MYOCD: variants seen among roughly 807,000 people sequenced by gnomAD.
The protein encoded by MYOCD is myocardin.
In MYOCD, 32 loss-of-function variants were observed where a neutral mutation model predicts 96.1. The ratio of observed to expected loss-of-function variants is 0.33; its 90% CI spans 0.25 to 0.45. The LOEUF (loss-of-function observed/expected upper bound fraction) is 0.45, where lower values mean the gene tolerates loss of function less well. Ranked by LOEUF, MYOCD falls within the 20% of genes least tolerant of loss-of-function variation. MYOCD has a pLI of 1.00. For synonymous variants in MYOCD, 469 were observed against 469.0 expected (o/e 1.00, Z 0.00); for missense variants, 1,133 against 1,200.6 (o/e 0.94, Z 0.83).
At chr17:12,736,497 C>T (rs375565855) in intron 6 of MYOCD, among the ~76,000 whole-genome samples, 161 bp downstream of exon 6, 11 of 152,318 alleles carry the variant, frequency 7.2e-5, no homozygotes, top group South Asian at 6.2e-4. Context: ...CTCTATTCAG[C>T]GCAGGCCTCT....
rs924906862 is a variant in MYOCD at position 12,667,956 on chromosome 17, G to A, written c.55+1713G>A. ...AGAAGCAGGCATCCTTAATCCTCCC[G>A]TCATTGATAAACAGGGAATCTGGAG... is the stretch of plus-strand genomic sequence containing the variant. On this transcript the variant is annotated intron_variant, in intron 1 of 13. Transcript: ENST00000425538. 1.1e-4 allele frequency among the ~76,000 whole-genome samples: 16 copies of A among 152,136 alleles called. No homozygotes were observed. The East Asian group carries it at 2.9e-3, about 28-fold the overall frequency.
At chr17:12,715,629 A>T (rs2031617107) in intron 3 of MYOCD, 55 bp downstream of exon 3, 1 of 1,405,234 alleles carries the variant, frequency 7.1e-7, no homozygotes, top group African/African-American at 1.4e-5. Context: ...TGAATCTCTG[A>T]ATGCTAATCC....
chr17:12,708,748 T>C (rs546171077), intron 2 of MYOCD, among the ~76,000 whole-genome samples: 2 of 152,262 alleles, frequency 1.3e-5, no homozygotes, highest in East Asian at 3.9e-4. Flanking sequence ...GTCTTGAGTT[T>C]TACATTAGGT....
intron 3 of MYOCD, among the ~76,000 whole-genome samples, chr17:12,716,280 A>G (rs543155704): frequency 3.3e-5 from 5 of 152,194 alleles, no homozygotes; most frequent in Non-Finnish European, 7.3e-5. Flanking sequence ...AGTAGCTCAC[A>G]AGTGGCTGTG....
At chr17:12,743,361 A>C (rs1275933155) in intron 7 of MYOCD, among the ~76,000 whole-genome samples, 3 of 152,172 alleles carry the variant, frequency 2.0e-5, no homozygotes, top group Admixed American at 1.3e-4. Flanking sequence ...TTTCAGCTCA[A>C]AGCAACAAAT....
At chr17:12,677,007 A>T (rs1176706165) in intron 1 of MYOCD, among the ~76,000 whole-genome samples, 1 of 152,240 alleles carries the variant, frequency 6.6e-6, no homozygotes, top group African/African-American at 2.4e-5. Context: ...GATGTACTCA[A>T]TAAATGGTAG....
At chr17:12,762,909 G>C in intron 13 of MYOCD, 164 bp from the exon 14 acceptor site, 1 of 604,488 alleles carries the variant, frequency 1.7e-6, no homozygotes, top group African/African-American at 1.9e-5. Flanking sequence ...AAACCAGAGG[G>C]AAGATGAATT....
chr17:12,745,920 G>A lies in MYOCD; in HGVS notation c.973G>A (p.Glu325Lys), dbSNP rs138967735. ...AATGCCTCTTTGTTTGTTTTTTAGG[G>A]AACCAAATGAACAGATGGTCAGAAA... is the stretch of plus-strand genomic sequence containing the variant. ...YLGMHQAQLK[E>K]PNEQMVRNPN... Residue 325 changes from glutamate (E) to lysine (K), a missense_variant and splice_region_variant, in exon 9 of 14, where the codon GAA becomes AAA. Physicochemically the swap from Glu to Lys is moderately conservative, Grantham distance 56 (BLOSUM62 1). Transcript: ENST00000425538. 6.2e-7 allele frequency: 1 copy of A among 1,612,900 alleles called. No individual in the cohort carries two copies. Among genetic ancestry groups the A allele is most frequent in the South Asian group, 1.1e-5 (1 of 90,770 alleles).
intron 12 of MYOCD, chr17:12,760,395 T>A (rs1054346620): frequency 6.5e-6 from 3 of 458,392 alleles, no homozygotes; most frequent in Non-Finnish European, 1.2e-5. Context: ...GATTTTAGTC[T>A]TGCAGGATGA....
At chr17:12,750,088 C>T (rs555827864) in intron 9 of MYOCD, among the ~76,000 whole-genome samples, 2 of 152,124 alleles carry the variant, frequency 1.3e-5, no homozygotes, top group Non-Finnish European at 2.9e-5. Flanking sequence ...CCGCCCGCCT[C>T]GGCCTCCCAA....
At chr17:12,713,735 C>T (rs978869748) in intron 2 of MYOCD, among the ~76,000 whole-genome samples, 4 of 151,922 alleles carry the variant, frequency 2.6e-5, no homozygotes, top group African/African-American at 7.3e-5. Context: ...AGAACTCCCT[C>T]GACATAAATT....
intron 5 of MYOCD, among the ~76,000 whole-genome samples, chr17:12,730,124 G>A (rs1356286870): frequency 1.3e-5 from 2 of 151,920 alleles, no homozygotes. Flanking sequence ...ACCAGCCTGG[G>A]TGACAGAGTG....
At chr17:12,708,830 T>TA (rs2031388086) in intron 2 of MYOCD, among the ~76,000 whole-genome samples, 1 of 152,188 alleles carries the variant, frequency 6.6e-6, no homozygotes, top group Admixed American at 6.5e-5. Flanking sequence ...GGCCAGAACC[T>TA]GTGTCTCCTG....
chr17:12,703,007 T>C (rs1270278545), intron 1 of MYOCD, among the ~76,000 whole-genome samples: 3 of 152,024 alleles, frequency 2.0e-5, no homozygotes, highest in South Asian at 2.1e-4. Flanking sequence ...CTGGTATCAT[T>C]TCCCTTGAGC....
chr17:12,706,837 T>C (rs918073455), intron 2 of MYOCD, among the ~76,000 whole-genome samples: 6 of 152,196 alleles, frequency 3.9e-5, no homozygotes, highest in African/African-American at 1.4e-4. Flanking sequence ...ATACCACTTA[T>C]TAGAAATTTT....
chr17:12,763,463 A>C lies in MYOCD; in HGVS notation c.2780A>C (p.Gln927Pro). The C allele has an allele frequency of 6.2e-7, 1 of 1,614,184 alleles. No individual in the cohort carries two copies. The highest frequency in any genetic ancestry group is 8.5e-7 in the Non-Finnish European group (1 of 1,180,032). The change falls in exon 14 of 14, where the codon CAG becomes CCG. Residue 927 changes from glutamine to proline, a missense_variant. Gln to Pro is a moderately conservative substitution (Grantham distance 76). Transcript: ENST00000425538. The part of the protein sequence containing the change: ...SPSSVDSNGL[Q>P]LSFTESPWET... ...TCTTCTGTGGACAGCAATGGGCTGC[A>C]GTTAAGCTTCACTGAATCTCCCTGG...
Position 12,767,424 on chromosome 17 carries a change from A to G in MYOCD, c.*3780A>G, listed in dbSNP as rs2033370184. 6.6e-6 allele frequency: 1 copy of G among 152,216 alleles called. No homozygotes were observed. The highest frequency in any genetic ancestry group is 1.5e-5 in the Non-Finnish European group (1 of 68,044). The allele number at this position is 152,216 out of a possible 1,614,324, so 9.4% of individuals were successfully genotyped here. ...GTCTGGCTGAAAACTCCCACAACAA[A>G]TTTACTCATCCAGTGGCTAATATTT... On this transcript the variant is annotated 3_prime_UTR_variant, in exon 14 of 14. Transcript: ENST00000425538.
intron 7 of MYOCD, among the ~76,000 whole-genome samples, chr17:12,739,934 CTTTTTCT>C (rs982049327): frequency 3.3e-5 from 5 of 151,398 alleles, no homozygotes; most frequent in African/African-American, 9.7e-5. Flanking sequence ...GATTTTTTTT[CTTTTTCT>C]TTTTTCTTTT....
At chr17:12,688,678 TC>T (rs1567572903) in intron 1 of MYOCD, among the ~76,000 whole-genome samples, 19 of 149,936 alleles carry the variant, frequency 1.3e-4, no homozygotes, top group Non-Finnish European at 3.0e-5. Flanking sequence ...TTCATTCCTT[TC>T]TTCCTTCCTT....
Sources: gnomAD v4.1 joint callset for allele counts (sites outside exome capture counted in the v4.1 genomes callset) on GRCh38, gnomAD v4.1.1 for gene constraint, MANE v1.5 for transcripts, NCBI Gene and HGNC (gene_info 2026-07-23, HGNC 2026-07-21) for gene names.